Variants in EYS observed in about 807,000 individuals in gnomAD.
EYS encodes the protein protein eyes shut homolog.
EYS carries 250 observed loss-of-function variants against 282.1 expected under a neutral mutation model. That is an observed-to-expected ratio of 0.89 (90% CI 0.80 to 0.98). The LOEUF is 0.98. Among genes scored for constraint, EYS ranks in the 50% least tolerant of loss-of-function variants. The probability of loss-of-function intolerance (pLI) is 0.00; values close to 1 mark genes in which losing one functional copy is unlikely to be tolerated. For synonymous variants in EYS, 1,355 were observed against 1,282.9 expected, an observed-to-expected ratio of 1.06 and a Z score of -1.20; for missense variants, 4,016 against 3,709.0, an observed-to-expected ratio of 1.08 and a Z score of -2.15.
intron 12 of EYS, among the ~76,000 whole-genome samples, chr6:65,183,489 A>T (rs1765442085): frequency 1.3e-5 from 2 of 151,896 alleles, no homozygotes. Context: ...TGATGTGATA[A>T]AAGTGAAAAT....
At chr6:64,649,256 A>G (rs1156670598) in intron 22 of EYS, among the ~76,000 whole-genome samples, 2 of 152,200 alleles carry the variant, frequency 1.3e-5, no homozygotes, top group African/African-American at 4.8e-5. Flanking sequence ...TTAATTTTGA[A>G]TTATAAGCAT....
At chr6:64,348,731 T>C (rs147301523) in intron 29 of EYS, among the ~76,000 whole-genome samples, 68 of 151,584 alleles carry the variant, frequency 4.5e-4, no homozygotes, top group African/African-American at 1.6e-3. Context: ...AAATGAGGTA[T>C]TTTTTCAAAG....
rs538320867 is a variant in EYS at position 64,284,619 on chromosome 6, T to C, written c.6191+22351A>G. Among the ~76,000 whole-genome samples the C allele has an allele frequency of 7.9e-5, 12 of 152,296 alleles. No homozygotes were observed. In the East Asian group the frequency reaches 2.3e-3, roughly 29 times the overall value. On this transcript the variant is annotated intron_variant, in intron 30 of 42. Coordinates refer to ENST00000503581, the MANE Select transcript of EYS (RefSeq NM_001142800.2). ...CCCACATTTCCCTTCTTCATTGCCCTAGCAGAGGTTCTCGATGAGAGCCCC... is the reference window on the plus strand; with the variant it reads ...CCCACATTTCCCTTCTTCATTGCCCCAGCAGAGGTTCTCGATGAGAGCCCC...
chr6:63,861,986 T>G (rs1045375292), intron 36 of EYS, among the ~76,000 whole-genome samples: 1 of 152,178 alleles, frequency 6.6e-6, no homozygotes, highest in African/African-American at 2.4e-5. Context: ...GCAGTATCTT[T>G]TCATTCTCCA....
chr6:64,858,214 T>C (rs1055124386), intron 19 of EYS, among the ~76,000 whole-genome samples: 1 of 152,150 alleles, frequency 6.6e-6, no homozygotes, highest in African/African-American at 2.4e-5. Flanking sequence ...TTTCTTTTAG[T>C]AGGTTTACAG....
At chr6:64,336,110 G>A (rs1263955935) in intron 29 of EYS, among the ~76,000 whole-genome samples, 1 of 152,058 alleles carries the variant, frequency 6.6e-6, no homozygotes, top group African/African-American at 2.4e-5. Flanking sequence ...CAAATAGCAG[G>A]ATGAATGCAA....
intron 26 of EYS, among the ~76,000 whole-genome samples, chr6:64,558,938 G>A (rs1207271187): frequency 6.6e-6 from 1 of 152,152 alleles, no homozygotes; most frequent in Non-Finnish European, 1.5e-5. Flanking sequence ...GCATGTTAAT[G>A]CAGTGTGTCT....
intron 24 of EYS, among the ~76,000 whole-genome samples, chr6:64,610,910 C>T (rs894080946): frequency 3.3e-5 from 5 of 152,130 alleles, no homozygotes; most frequent in African/African-American, 1.2e-4. Context: ...CCTCACATAT[C>T]TTGCATTACA....
At chr6:64,320,531 T>G (rs1475018489) in intron 29 of EYS, among the ~76,000 whole-genome samples, 4 of 151,910 alleles carry the variant, frequency 2.6e-5, no homozygotes, top group African/African-American at 4.8e-5. Flanking sequence ...CTTTATTAGT[T>G]GACTTTTTGT....
At chr6:64,962,064 A>G (rs1273315329) in intron 14 of EYS, among the ~76,000 whole-genome samples, 1 of 152,094 alleles carries the variant, frequency 6.6e-6, no homozygotes, top group African/African-American at 2.4e-5. Flanking sequence ...CCAAAACCTC[A>G]AATTATGATA....
In EYS at chr6:65,490,657, G is replaced by A; in HGVS notation, c.799C>T (p.His267Tyr). ...IGQCQPHVCF[H>Y]GNCSNITSNS... ...GAAGTAATATTGCTGCAGTTTCCAT[G>A]GAAACAGACATGTGGTTGACACTGG... The change falls in exon 5 of 43, where the codon CAT (histidine) becomes TAT (tyrosine). Residue 267 changes from histidine to tyrosine, a missense_variant. Transcript: ENST00000503581. 6.2e-7 allele frequency: 1 copy of A among 1,612,736 alleles called. No homozygotes were observed. Among genetic ancestry groups the A allele is most frequent in the Non-Finnish European group, 8.5e-7 (1 of 1,179,188 alleles).
At chr6:64,086,656 G>T (rs1413907540) in intron 31 of EYS, among the ~76,000 whole-genome samples, 1 of 152,116 alleles carries the variant, frequency 6.6e-6, no homozygotes, top group Non-Finnish European at 1.5e-5. Context: ...ACTCCTCAAA[G>T]CATTGTATCC....
At chr6:65,489,252 A>C (rs1562217079) in intron 5 of EYS, 2 of 152,326 alleles carry the variant, frequency 1.3e-5, no homozygotes, top group East Asian at 1.9e-4. Context: ...AATAACCAGA[A>C]TCTACAAAGA....
chr6:64,485,580 C>A (rs569089499), intron 26 of EYS, among the ~76,000 whole-genome samples: 13 of 151,660 alleles, frequency 8.6e-5, no homozygotes, highest in African/African-American at 3.1e-4. Flanking sequence ...CACTCAATGT[C>A]CTGATTACTA....
intron 12 of EYS, among the ~76,000 whole-genome samples, chr6:65,208,049 G>T (rs1012054837): frequency 4.1e-4 from 62 of 151,506 alleles, no homozygotes; most frequent in African/African-American, 1.5e-3. Context: ...CCTAACAAAA[G>T]AAATAATTAA....
At chr6:65,442,539 G>A (rs1046354390) in intron 5 of EYS, among the ~76,000 whole-genome samples, 7 of 151,912 alleles carry the variant, frequency 4.6e-5, no homozygotes, top group Admixed American at 1.3e-4. Context: ...AGATCACGAG[G>A]TCAGGAGATT....
At chr6:64,276,870 C>T (rs554222365) in intron 30 of EYS, among the ~76,000 whole-genome samples, 1 of 152,222 alleles carries the variant, frequency 6.6e-6, no homozygotes, top group South Asian at 2.1e-4. Flanking sequence ...GGATTAACAT[C>T]AGCTAGTCTC....
chr6:64,316,819 C>T (rs1402052864), intron 29 of EYS, among the ~76,000 whole-genome samples: 1 of 152,094 alleles, frequency 6.6e-6, no homozygotes, highest in Non-Finnish European at 1.5e-5. Flanking sequence ...AACTATACTA[C>T]AAGGCTACAG....
intron 36 of EYS, 55 bp downstream of exon 36, chr6:63,864,131 A>G (rs1395451942): frequency 2.9e-6 from 4 of 1,386,656 alleles, no homozygotes; most frequent in East Asian, 2.6e-5. Flanking sequence ...AGTGATTTCT[A>G]TCCTCTTCAC....
Sources: allele counts gnomAD v4.1 joint callset (sites outside exome capture counted in the v4.1 genomes callset), GRCh38; gene constraint gnomAD v4.1.1; transcripts MANE v1.5; gene names NCBI Gene and HGNC (gene_info 2026-07-23, HGNC 2026-07-21).